PRKCH: variants seen among roughly 807,000 people sequenced by gnomAD.
PRKCH encodes the protein protein kinase C eta type.
Under a neutral mutation model 82.5 loss-of-function variants are expected in PRKCH, and 28 were observed. That is an observed-to-expected ratio of 0.34 (90% CI 0.25 to 0.47). The LOEUF is 0.47. PRKCH is among the 20% of genes least tolerant of loss of function. The probability of loss-of-function intolerance (pLI) is 1.00; values close to 1 mark genes in which losing one functional copy is unlikely to be tolerated. For synonymous variants in PRKCH, 322 were observed against 327.4 expected (o/e 0.98, Z 0.18); for missense variants, 705 against 881.8 (o/e 0.80, Z 2.54).
intron 9 of PRKCH, among the ~76,000 whole-genome samples, chr14:61,481,362 C>G (rs1318906906): frequency 2.0e-5 from 3 of 152,192 alleles, no homozygotes; most frequent in African/African-American, 7.2e-5. Context: ...CTGTGGATGC[C>G]ATTCCAACAA....
At chr14:61,424,096 A>C (rs950548934) in intron 2 of PRKCH, among the ~76,000 whole-genome samples, 3 of 152,150 alleles carry the variant, frequency 2.0e-5, no homozygotes, top group Non-Finnish European at 4.4e-5. Flanking sequence ...GCTTCCCCTT[A>C]TGCCATGATT....
At chr14:61,343,351 C>CAAAAAAAAAAAAAAAAAAAAAAAAAAA (rs57154047) in intron 1 of PRKCH, among the ~76,000 whole-genome samples, 2 of 87,350 alleles carry the variant, frequency 2.3e-5, no homozygotes, top group Non-Finnish European at 4.4e-5. Context: ...CCAGTTCCCT[C>CAAAAAAAAAAAAAAAAAAAAAAAAAAA]AAAAAAAAAA....
intron 2 of PRKCH, among the ~76,000 whole-genome samples, chr14:61,409,916 GT>G (rs2140230647): frequency 6.6e-6 from 1 of 152,236 alleles, no homozygotes; most frequent in African/African-American, 2.4e-5. Context: ...CTAGGAGCTT[GT>G]TAGGTTTGGT....
At chr14:61,203,704 G>A (rs1014171161) in intron 1 of PRKCH, among the ~76,000 whole-genome samples, 30 of 151,970 alleles carry the variant, frequency 2.0e-4, no homozygotes, top group African/African-American at 6.8e-4. Flanking sequence ...GGTTGAGCAC[G>A]GTGGCTCACA....
intron 1 of PRKCH, among the ~76,000 whole-genome samples, chr14:61,215,170 A>G (rs1361084229): frequency 1.3e-5 from 2 of 152,178 alleles, no homozygotes; most frequent in African/African-American, 4.8e-5. Flanking sequence ...TCTTTGCTCC[A>G]ACAACAGTCT....
chr14:61,501,713 C>T (rs796188850), intron 10 of PRKCH, among the ~76,000 whole-genome samples: 9 of 152,246 alleles, frequency 5.9e-5, no homozygotes, highest in African/African-American at 2.2e-4. Context: ...CATTTATTGA[C>T]TAAAGAGCAG....
chr14:61,537,294 A>G (rs1456407267), intron 12 of PRKCH, among the ~76,000 whole-genome samples: 1 of 152,230 alleles, frequency 6.6e-6, no homozygotes, highest in African/African-American at 2.4e-5. Flanking sequence ...AAGGCATATG[A>G]CGATGACACA....
intron 1 of PRKCH, among the ~76,000 whole-genome samples, chr14:61,383,099 G>A (rs2046535195): frequency 6.6e-6 from 1 of 152,166 alleles, no homozygotes; most frequent in Non-Finnish European, 1.5e-5. Flanking sequence ...TGGCTGTGCT[G>A]GGGATCCGGT....
At chr14:61,249,488 A>C (rs2044920469) in intron 1 of PRKCH, among the ~76,000 whole-genome samples, 1 of 148,962 alleles carries the variant, frequency 6.7e-6, no homozygotes, top group Non-Finnish European at 1.5e-5. Flanking sequence ...GTCCTTTACA[A>C]GTATGATGTG....
intron 12 of PRKCH, among the ~76,000 whole-genome samples, chr14:61,531,610 A>G (rs1228879944): frequency 6.6e-6 from 1 of 152,224 alleles, no homozygotes; most frequent in African/African-American, 2.4e-5. Flanking sequence ...AGAATTCTCT[A>G]CATCGCTAAA....
intron 1 of PRKCH, among the ~76,000 whole-genome samples, chr14:61,237,837 T>G (rs1041712901): frequency 1.3e-5 from 2 of 152,226 alleles, no homozygotes; most frequent in Non-Finnish European, 2.9e-5. Context: ...CTTGGGCACT[T>G]GCGGTCAGGC....
intron 1 of PRKCH, among the ~76,000 whole-genome samples, chr14:61,251,172 T>C (rs758845548): frequency 1.3e-5 from 2 of 152,134 alleles, no homozygotes; most frequent in Admixed American, 6.5e-5. Context: ...GGAAAATGGG[T>C]ATCCATCCCC....
chr14:61,490,901 G>C lies in PRKCH; in HGVS notation c.1433+5245G>C, dbSNP rs3783767. Among the ~76,000 whole-genome samples, 2,569 of 152,222 alleles carry C rather than the reference G, an allele frequency of 0.017. 126 individuals are homozygous for C. The East Asian group carries it at 0.21, about 13-fold the overall frequency. On this transcript the variant is annotated intron_variant, in intron 10 of 13. Transcript: ENST00000332981. ...CCACTGTACTCCAACCTGGGTGACA[G>C]AGTGAGACCCTGTCTCAAAAAAACA...
chr14:61,224,741 G>C (rs2044683567), intron 1 of PRKCH, among the ~76,000 whole-genome samples: 1 of 152,142 alleles, frequency 6.6e-6, no homozygotes, highest in Non-Finnish European at 1.5e-5. Context: ...GGCTAACGTA[G>C]TGTCTGCCAG....
At chr14:61,412,416 T>C (rs111829163) in intron 2 of PRKCH, among the ~76,000 whole-genome samples, 1 of 152,334 alleles carries the variant, frequency 6.6e-6, no homozygotes, top group Non-Finnish European at 1.5e-5. Flanking sequence ...CATCCTTATG[T>C]TACTTCAACC....
intron 12 of PRKCH, among the ~76,000 whole-genome samples, chr14:61,535,354 A>G (rs1391017769): frequency 1.3e-5 from 2 of 152,302 alleles, no homozygotes; most frequent in South Asian, 2.1e-4. Context: ...ATTTAATGAG[A>G]AAAAAATAAA....
At chr14:61,438,772 G>A (rs530074079) in intron 2 of PRKCH, among the ~76,000 whole-genome samples, 3 of 152,192 alleles carry the variant, frequency 2.0e-5, no homozygotes, top group Non-Finnish European at 4.4e-5. Flanking sequence ...CTAGTCACAT[G>A]TGCTTTCTAA....
Position 61,305,690 on chromosome 14 carries a change from T to G in PRKCH, c.-19+118022T>G, listed in dbSNP as rs1392958978. 3 of 152,326 alleles carry G rather than the reference T, an allele frequency of 2.0e-5. No individual in the cohort carries two copies. In the East Asian group the frequency reaches 5.8e-4, roughly 29 times the overall value. 9.4% of individuals were successfully genotyped at this position (152,326 alleles called of 1,614,324 possible). ...TGCTTTTTATTTCTAATATATCCAT[T>G]TGGTTTATTTCTTTGCTGATCATTC... is the stretch of plus-strand genomic sequence containing the variant. On this transcript the variant is annotated intron_variant, in intron 1 of 3. Transcript: ENST00000555185.
chr14:61,197,385 A>C (rs1040710154), intron 1 of PRKCH, among the ~76,000 whole-genome samples: 1 of 152,164 alleles, frequency 6.6e-6, no homozygotes, highest in African/African-American at 2.4e-5. Context: ...GGCTTAGCCC[A>C]GTACTAATTT....
Sources: gnomAD v4.1 joint callset for allele counts (sites outside exome capture counted in the v4.1 genomes callset) on GRCh38, gnomAD v4.1.1 for gene constraint, MANE v1.5 for transcripts, NCBI Gene and HGNC (gene_info 2026-07-23, HGNC 2026-07-21) for gene names.